Variants in CDC14A observed in about 807,000 individuals in gnomAD.
The protein encoded by CDC14A is cell division cycle 14A.
Under a neutral mutation model 74.4 loss-of-function variants are expected in CDC14A, and 53 were observed. That is an observed-to-expected ratio of 0.71 (90% CI 0.57 to 0.89). CDC14A has a LOEUF of 0.89. CDC14A is among the 40% of genes least tolerant of loss of function. The probability of loss-of-function intolerance (pLI) is 0.00; values close to 1 mark genes in which losing one functional copy is unlikely to be tolerated. For missense variants in CDC14A, 646 were observed against 713.7 expected (o/e 0.91, Z 1.08); for synonymous variants, 247 against 258.4 (o/e 0.96, Z 0.43).
chr1:100,508,241 G>A lies in CDC14A; in HGVS notation c.1755+8979G>A, dbSNP rs1050058471. On this transcript the variant is annotated intron_variant, in intron 15 of 15. Coordinates refer to ENST00000336454, the MANE Select transcript of CDC14A (RefSeq NM_003672.4). This position sits in a 1 kb window ranked among gnomAD's most constrained non-coding sequence, Gnocchi z 4.4. ...TAGCCATCTGTTATAATTTGGGCCCGCCTGTTTTTGTTTTATGGCTTCTTA... is the reference window on the plus strand; with the variant it reads ...TAGCCATCTGTTATAATTTGGGCCCACCTGTTTTTGTTTTATGGCTTCTTA... Among the ~76,000 whole-genome samples the A allele has an allele frequency of 6.6e-6, 1 of 151,544 alleles. No homozygotes were observed. Among genetic ancestry groups the A allele is most frequent in the Admixed American group, 6.6e-5 (1 of 15,202 alleles).
At chr1:100,473,420 C>G (rs1023147612) in intron 10 of CDC14A, among the ~76,000 whole-genome samples, 1 of 151,700 alleles carries the variant, frequency 6.6e-6, no homozygotes, top group African/African-American at 2.4e-5. Flanking sequence ...GTGTTTCACT[C>G]TTTTTGCCCA....
chr1:100,443,399 A>G (rs1056928584), intron 7 of CDC14A, among the ~76,000 whole-genome samples: 6 of 151,970 alleles, frequency 3.9e-5, no homozygotes, highest in Admixed American at 2.0e-4. Flanking sequence ...CAGTGGCACA[A>G]TCTCGGATCA....
At chr1:100,495,260 G>A (rs1647605938) in intron 12 of CDC14A, among the ~76,000 whole-genome samples, 1 of 152,214 alleles carries the variant, frequency 6.6e-6, no homozygotes, top group South Asian at 2.1e-4. Flanking sequence ...CCTCACAGGT[G>A]TGCTGAGGCT....
intron 5 of CDC14A, among the ~76,000 whole-genome samples, chr1:100,439,528 T>C (rs769934106): frequency 2.6e-5 from 4 of 152,232 alleles, no homozygotes; most frequent in Admixed American, 6.5e-5. Flanking sequence ...AGCCACTATA[T>C]GAAGGACTTT....
chr1:100,448,897 C>T lies in CDC14A; in HGVS notation c.519+5901C>T, dbSNP rs928923411. 7.2e-5 allele frequency among the ~76,000 whole-genome samples: 11 copies of T among 152,270 alleles called. No individual in the cohort carries two copies. In the East Asian group the frequency reaches 2.1e-3, roughly 29 times the overall value. ...TCCATGTGTAGGGTTAAAGCCTTTG[C>T]TCTTGTCACCTGGTACCATAGAATC... On this transcript the variant is annotated intron_variant, in intron 7 of 15. Transcript: ENST00000336454.
At chr1:100,376,145 C>T (rs1001778774) in intron 2 of CDC14A, among the ~76,000 whole-genome samples, 4 of 151,694 alleles carry the variant, frequency 2.6e-5, no homozygotes, top group Non-Finnish European at 5.9e-5. Context: ...CCAGGGCCTG[C>T]CTGTCATGGG....
chr1:100,381,208 T>A (rs376648803), intron 3 of CDC14A, among the ~76,000 whole-genome samples: 51 of 152,328 alleles, frequency 3.3e-4, no homozygotes, highest in Admixed American at 5.9e-4. Flanking sequence ...CTCCTTTTGC[T>A]TCCAGAGGTT....
chr1:100,390,896 A>T, intron 4 of CDC14A, 72 bp downstream of exon 4: 2 of 1,134,126 alleles, frequency 1.8e-6, no homozygotes, highest in Non-Finnish European at 1.3e-6. Context: ...AGAAAATCCA[A>T]ACCAGTTTTT....
chr1:100,396,142 T>C (rs1658443772), intron 4 of CDC14A, among the ~76,000 whole-genome samples: 1 of 152,244 alleles, frequency 6.6e-6, no homozygotes, highest in African/African-American at 2.4e-5. Context: ...TGATAAAATA[T>C]TTAACAAGGG....
chr1:100,406,042 T>G (rs112371676), intron 4 of CDC14A, among the ~76,000 whole-genome samples: 28 of 152,350 alleles, frequency 1.8e-4, no homozygotes, highest in African/African-American at 6.0e-4. Context: ...CAGCATCTGT[T>G]GTTTTTTGAC....
intron 7 of CDC14A, among the ~76,000 whole-genome samples, chr1:100,454,002 G>A (rs551689284): frequency 2.7e-4 from 41 of 152,258 alleles, no homozygotes; most frequent in African/African-American, 8.9e-4. Context: ...AAGATGGTAT[G>A]CACAGTTTCA....
intron 15 of CDC14A, among the ~76,000 whole-genome samples, chr1:100,513,143 C>A (rs998539561): frequency 1.3e-5 from 2 of 152,002 alleles, no homozygotes; most frequent in African/African-American, 4.8e-5. Context: ...AATTTGTGAG[C>A]AATACAAAAA....
intron 3 of CDC14A, among the ~76,000 whole-genome samples, chr1:100,380,023 C>G (rs1655876265): frequency 6.6e-6 from 1 of 152,086 alleles, no homozygotes; most frequent in Non-Finnish European, 1.5e-5. Context: ...TTGGAGAGGA[C>G]AAATATCCAA....
At chr1:100,470,096 C>T (rs772368474) in intron 10 of CDC14A, among the ~76,000 whole-genome samples, 4 of 152,022 alleles carry the variant, frequency 2.6e-5, no homozygotes, top group Non-Finnish European at 4.4e-5. Flanking sequence ...AGAAACATTG[C>T]ATATCAAATC....
chr1:100,513,676 A>G (rs564609507), intron 15 of CDC14A, among the ~76,000 whole-genome samples: 1 of 152,250 alleles, frequency 6.6e-6, no homozygotes, highest in African/African-American at 2.4e-5. Context: ...TATATCTGTA[A>G]TTATTAGACA....
At chr1:100,421,424 A>G (rs982661016) in intron 4 of CDC14A, among the ~76,000 whole-genome samples, 1 of 152,228 alleles carries the variant, frequency 6.6e-6, no homozygotes, top group Non-Finnish European at 1.5e-5. Context: ...GACATTGCAT[A>G]ACTAATTTAC....
intron 4 of CDC14A, among the ~76,000 whole-genome samples, chr1:100,412,365 T>C (rs933599715): frequency 2.0e-5 from 3 of 152,022 alleles, no homozygotes; most frequent in Admixed American, 2.0e-4. Context: ...TGCCATGAGG[T>C]CAGGAACATA....
chr1:100,360,117 T>A (rs1317088790), intron 2 of CDC14A, among the ~76,000 whole-genome samples: 1 of 149,622 alleles, frequency 6.7e-6, no homozygotes, highest in African/African-American at 2.5e-5. Flanking sequence ...TATTTTTTTT[T>A]TTTTTTTTTG....
chr1:100,428,098 G>T (rs1484430944), intron 5 of CDC14A, among the ~76,000 whole-genome samples: 1 of 152,166 alleles, frequency 6.6e-6, no homozygotes, highest in Non-Finnish European at 1.5e-5. Context: ...CCAAAAGAAT[G>T]ATCTGATTTT....
Sources: allele counts gnomAD v4.1 joint callset (sites outside exome capture counted in the v4.1 genomes callset), GRCh38; gene constraint gnomAD v4.1.1; non-coding constraint Gnocchi (gnomAD v3.1); transcripts MANE v1.5; gene names NCBI Gene and HGNC (gene_info 2026-07-23, HGNC 2026-07-21).